Variants in QKI observed in about 807,000 individuals in gnomAD.
The protein encoded by QKI is QKI, KH domain containing RNA binding, also known as KH domain-containing RNA-binding protein QKI.
In QKI, 10 loss-of-function variants were observed where a neutral mutation model predicts 39.0. The observed-to-expected ratio is 0.26, with a 90% CI of 0.16 to 0.43. The LOEUF is 0.43. QKI is among the 20% of genes least tolerant of loss of function. The probability of loss-of-function intolerance (pLI) is 1.00; values close to 1 mark genes in which losing one functional copy is unlikely to be tolerated. For synonymous variants in QKI, 204 were observed against 155.4 expected, an observed-to-expected ratio of 1.31 and a Z score of -2.33; for missense variants, 218 against 428.0, an observed-to-expected ratio of 0.51 and a Z score of 4.33.
At chr6:163,511,649 T>C (rs181238293) in intron 3 of QKI, among the ~76,000 whole-genome samples, 169 of 152,022 alleles carry the variant, frequency 1.1e-3, no homozygotes, top group African/African-American at 3.9e-3. Context: ...CCAGGAGCAA[T>C]AGAAAATTTT....
intron 2 of QKI, among the ~76,000 whole-genome samples, chr6:163,471,939 A>G (rs1792224234): frequency 2.0e-5 from 3 of 152,172 alleles, no homozygotes; most frequent in South Asian, 2.1e-4. Flanking sequence ...AATTCTATCT[A>G]TATTAGTATC....
chr6:163,445,946 T>A lies in QKI; in HGVS notation c.143-9333T>A, dbSNP rs554793632. 1.6e-4 allele frequency among the ~76,000 whole-genome samples: 24 copies of A among 152,332 alleles called. No homozygotes were observed. The South Asian group carries it at 4.3e-3, about 28-fold the overall frequency. On this transcript the variant is annotated intron_variant, in intron 1 of 7. Coordinates refer to ENST00000361752, the MANE Select transcript of QKI (RefSeq NM_006775.3). ...GGTATATGTCTTAATACTGGTAATA[T>A]TAACTTTGATTAGTTGGTTAAGGCG...
intron 1 of QKI, among the ~76,000 whole-genome samples, chr6:163,453,028 C>A (rs539837727): frequency 6.6e-6 from 1 of 151,646 alleles, no homozygotes; most frequent in Non-Finnish European, 1.5e-5. Context: ...GCGCCCGGCA[C>A]GTTTATTTAA....
At chr6:163,570,268 G>A (rs1054531706) in intron 7 of QKI, 8 of 982,230 alleles carry the variant, frequency 8.1e-6, no homozygotes, top group East Asian at 1.1e-4. Context: ...TTGCTTTAAT[G>A]CTTGCATCTT....
intron 3 of QKI, among the ~76,000 whole-genome samples, chr6:163,529,486 A>G (rs1299483149): frequency 6.6e-6 from 1 of 152,206 alleles, no homozygotes. Context: ...TCTAATAGCT[A>G]GAAAAAGACA....
At chr6:163,480,941 C>A (rs1305860130) in intron 3 of QKI, among the ~76,000 whole-genome samples, 1 of 152,168 alleles carries the variant, frequency 6.6e-6, no homozygotes, top group South Asian at 2.1e-4. Flanking sequence ...GTGAATTCTG[C>A]AGTAATGGCC....
chr6:163,544,248 G>A (rs1781727866), intron 4 of QKI, among the ~76,000 whole-genome samples: 1 of 152,008 alleles, frequency 6.6e-6, no homozygotes, highest in Non-Finnish European at 1.5e-5. Context: ...GTTGCATTAG[G>A]TATTATAAAT....
intron 3 of QKI, among the ~76,000 whole-genome samples, chr6:163,495,209 T>C (rs1737609): frequency 0.84 from 127,742 of 152,180 alleles, 54,211 homozygotes; most frequent in East Asian, 1. Context: ...GCCACCGCGC[T>C]TGGCCTAAAT....
intron 6 of QKI, chr6:163,566,421 C>T: frequency 8.0e-7 from 1 of 1,249,518 alleles, no homozygotes; most frequent in Non-Finnish European, 1.0e-6. Context: ...GAATATGTGA[C>T]TAGTAAAGCT....
chr6:163,569,316 A>T, intron 7 of QKI: 1 of 1,076,424 alleles, frequency 9.3e-7, no homozygotes, highest in Non-Finnish European at 1.1e-6. Flanking sequence ...ATGAAGGTAA[A>T]TCAGTCCATT....
At chr6:163,503,698 G>A (rs564426914) in intron 3 of QKI, among the ~76,000 whole-genome samples, 1 of 152,132 alleles carries the variant, frequency 6.6e-6, no homozygotes, top group African/African-American at 2.4e-5. Context: ...CTTACAGTTT[G>A]AGGTCTTACA....
intron 1 of QKI, among the ~76,000 whole-genome samples, chr6:163,418,129 A>G (rs1787688664): frequency 6.6e-6 from 1 of 151,828 alleles, no homozygotes; most frequent in Admixed American, 6.6e-5. Flanking sequence ...TGGCTGAAAA[A>G]TTACTTTTAA....
chr6:163,439,724 A>T (rs1789618328), intron 1 of QKI, among the ~76,000 whole-genome samples: 2 of 145,882 alleles, frequency 1.4e-5, no homozygotes, highest in African/African-American at 2.6e-5. Context: ...GGCTTGGCTC[A>T]CTGCAACCTC....
chr6:163,510,754 G>A (rs1272157361), intron 3 of QKI, among the ~76,000 whole-genome samples: 1 of 151,980 alleles, frequency 6.6e-6, no homozygotes, highest in Non-Finnish European at 1.5e-5. Context: ...TCATCAGGAG[G>A]ACATATCAAT....
chr6:163,537,976 C>T (rs939406352), intron 4 of QKI, among the ~76,000 whole-genome samples: 5 of 152,200 alleles, frequency 3.3e-5, no homozygotes, highest in African/African-American at 1.2e-4. Flanking sequence ...CATAGCTTAC[C>T]TTTCAGGTTT....
chr6:163,550,651 A>T (rs112245634), intron 4 of QKI, among the ~76,000 whole-genome samples: 3 of 152,128 alleles, frequency 2.0e-5, no homozygotes, highest in African/African-American at 7.2e-5. Flanking sequence ...CCACCCCAAC[A>T]AAGAGCTGCT....
chr6:163,557,907 T>C (rs761052057), intron 4 of QKI, among the ~76,000 whole-genome samples: 39 of 152,164 alleles, frequency 2.6e-4, no homozygotes, highest in Non-Finnish European at 4.4e-4. Flanking sequence ...ATTTTTTAAA[T>C]GATTCTTGAA....
intron 2 of QKI, among the ~76,000 whole-genome samples, chr6:163,463,219 A>G (rs977890106): frequency 6.6e-6 from 1 of 152,220 alleles, no homozygotes; most frequent in South Asian, 2.1e-4. Context: ...GTATATGTTA[A>G]GGTCATTAGA....
chr6:163,564,948 A>C, intron 6 of QKI: 1 of 1,321,194 alleles, frequency 7.6e-7, no homozygotes, highest in Non-Finnish European at 9.6e-7. Context: ...TCTTTAATGA[A>C]CTGGAGAACA....
Sources: allele counts gnomAD v4.1 joint callset (sites outside exome capture counted in the v4.1 genomes callset), GRCh38; gene constraint gnomAD v4.1.1; transcripts MANE v1.5; gene names NCBI Gene and HGNC (gene_info 2026-07-23, HGNC 2026-07-21).